Variants in PIGU observed in about 807,000 individuals in gnomAD.
The protein encoded by PIGU is GPI-anchor transamidase component PIGU.
A neutral mutation model predicts 49.9 loss-of-function variants in PIGU; 24 were observed. The ratio of observed to expected loss-of-function variants is 0.48; its 90% CI spans 0.35 to 0.68. The LOEUF is 0.68. Ranked by LOEUF, PIGU falls within the 30% of genes least tolerant of loss-of-function variation. PIGU has a pLI of 0.01. For synonymous variants in PIGU, 220 were observed against 205.7 expected (o/e 1.07, Z -0.59); for missense variants, 490 against 532.6 (o/e 0.92, Z 0.79).
intron 5 of PIGU, among the ~76,000 whole-genome samples, chr20:34,637,607 G>A (rs545131604): frequency 2.8e-4 from 42 of 152,310 alleles, no homozygotes; most frequent in African/African-American, 8.7e-4. Flanking sequence ...TAAGTAGGCT[G>A]GAACCCAGAT....
At chr20:34,675,517 A>G (rs1027380437) in intron 1 of PIGU, among the ~76,000 whole-genome samples, 3 of 152,222 alleles carry the variant, frequency 2.0e-5, no homozygotes, top group Admixed American at 2.0e-4. Context: ...CCCAACTAGG[A>G]AACCTGGGCA....
chr20:34,645,338 C>A lies in PIGU; in HGVS notation c.196-4G>T. ...AGAGGTATATTATTAATGGAGTCTGCAGAAAAAAAACAGACATGTAAAAAA... is the reference window on the plus strand; with the variant it reads ...AGAGGTATATTATTAATGGAGTCTGAAGAAAAAAAACAGACATGTAAAAAA... On this transcript the variant is annotated splice_region_variant and splice_polypyrimidine_tract_variant and intron_variant, in intron 2 of 11. Transcript: ENST00000217446. The A allele has an allele frequency of 1.3e-6, 2 of 1,556,042 alleles. No homozygotes were observed. Among genetic ancestry groups the A allele is most frequent in the Non-Finnish European group, 1.7e-6 (2 of 1,158,986 alleles).
intron 11 of PIGU, among the ~76,000 whole-genome samples, chr20:34,573,800 G>T (rs1983111586): frequency 6.6e-6 from 1 of 152,262 alleles, no homozygotes; most frequent in Admixed American, 6.5e-5. Context: ...CAGTGTGAGA[G>T]ACAGAACAGG....
In PIGU at chr20:34,636,959, C is replaced by A. The variant is rs144852603; in HGVS notation, c.428+917G>T. On this transcript the variant is annotated intron_variant, in intron 5 of 11. Coordinates refer to ENST00000217446, the MANE Select transcript of PIGU (RefSeq NM_080476.5). Reference sequence around the variant, plus strand: ...GACACACATAAGTCCATAAGAGATTCATAAAGTTGCTAAATTTCTGGTTCT... The same window carrying A: ...GACACACATAAGTCCATAAGAGATTAATAAAGTTGCTAAATTTCTGGTTCT... 4.6e-5 allele frequency among the ~76,000 whole-genome samples: 7 copies of A among 152,228 alleles called. No homozygotes were observed. The East Asian group carries it at 1.3e-3, about 29-fold the overall frequency.
chr20:34,671,913 A>C (rs567040810), intron 1 of PIGU, among the ~76,000 whole-genome samples: 2 of 152,102 alleles, frequency 1.3e-5, no homozygotes, highest in South Asian at 4.1e-4. Context: ...ACAAGAGTGA[A>C]ACTCCTTCTC....
At chr20:34,635,221 G>A (rs1181751887) in intron 5 of PIGU, among the ~76,000 whole-genome samples, 1 of 146,824 alleles carries the variant, frequency 6.8e-6, no homozygotes, top group Non-Finnish European at 1.6e-5. Context: ...CTGAGAACCA[G>A]GAAAGTACAT....
intron 8 of PIGU, 119 bp from the exon 9 acceptor site, chr20:34,585,699 T>G (rs1364443000): frequency 8.6e-7 from 1 of 1,156,546 alleles, no homozygotes; most frequent in Non-Finnish European, 1.2e-6. Flanking sequence ...ACTTTCTCCC[T>G]AGAGAGATCA....
chr20:34,580,987 G>T (rs1267447023), intron 10 of PIGU, among the ~76,000 whole-genome samples: 1 of 152,176 alleles, frequency 6.6e-6, no homozygotes, highest in Admixed American at 6.5e-5. Flanking sequence ...CCAGGGCATA[G>T]AGTTCTGCTG....
intron 7 of PIGU, among the ~76,000 whole-genome samples, chr20:34,603,429 T>C (rs975105922): frequency 4.6e-5 from 7 of 152,246 alleles, no homozygotes; most frequent in African/African-American, 1.7e-4. Context: ...TACTTATTTT[T>C]TTCCTTTATC....
chr20:34,615,638 T>A (rs1256439153), intron 7 of PIGU, among the ~76,000 whole-genome samples: 1 of 152,100 alleles, frequency 6.6e-6, no homozygotes, highest in Non-Finnish European at 1.5e-5. Flanking sequence ...CCATTCTGAG[T>A]AGTGTGATGA....
At chr20:34,675,445 A>T (rs1019382888) in intron 1 of PIGU, among the ~76,000 whole-genome samples, 38 of 152,160 alleles carry the variant, frequency 2.5e-4, no homozygotes, top group African/African-American at 9.2e-4. Flanking sequence ...TAATACGCAG[A>T]GGTAACAAAT....
intron 10 of PIGU, among the ~76,000 whole-genome samples, chr20:34,575,640 T>C (rs1231881740): frequency 6.6e-6 from 1 of 152,128 alleles, no homozygotes; most frequent in Non-Finnish European, 1.5e-5. Context: ...TGTGGGATTA[T>C]GGGTGGGAAC....
At chr20:34,589,432 C>G (rs1983856475) in intron 7 of PIGU, among the ~76,000 whole-genome samples, 1 of 152,228 alleles carries the variant, frequency 6.6e-6, no homozygotes. Context: ...CGGCTCACTG[C>G]AACCTCTGCC....
At chr20:34,612,619 C>CTT (rs1220427781) in intron 7 of PIGU, among the ~76,000 whole-genome samples, 6 of 139,844 alleles carry the variant, frequency 4.3e-5, no homozygotes, top group Non-Finnish European at 4.7e-5. Flanking sequence ...CTTTCCTTTT[C>CTT]TTTTTTTTTT....
At chr20:34,563,063 T>C (rs1196855847) in intron 11 of PIGU, among the ~76,000 whole-genome samples, 4 of 152,160 alleles carry the variant, frequency 2.6e-5, no homozygotes, top group Non-Finnish European at 1.5e-5. Context: ...GGTTGGACCA[T>C]ATGAAATTGC....
intron 10 of PIGU, among the ~76,000 whole-genome samples, 195 bp from the exon 11 acceptor site, chr20:34,575,441 G>GT (rs555122356): frequency 2.0e-5 from 3 of 152,200 alleles, no homozygotes; most frequent in Non-Finnish European, 4.4e-5. Context: ...CCCACAGCTG[G>GT]TGGTAGCTCC....
chr20:34,649,518 T>C (rs2146775605), intron 2 of PIGU, among the ~76,000 whole-genome samples: 1 of 151,988 alleles, frequency 6.6e-6, no homozygotes, highest in South Asian at 2.1e-4. Flanking sequence ...TAAATTCATC[T>C]ATACATTTTT....
chr20:34,576,197 A>G (rs1983225976), intron 10 of PIGU, among the ~76,000 whole-genome samples: 1 of 152,196 alleles, frequency 6.6e-6, no homozygotes, highest in South Asian at 2.1e-4. Context: ...CAACATAGTG[A>G]GAGCCCATCT....
chr20:34,657,393 C>A, intron 1 of PIGU, 149 bp from the exon 2 acceptor site: 1 of 622,602 alleles, frequency 1.6e-6, no homozygotes, highest in Non-Finnish European at 2.9e-6. Context: ...TTGAACATTT[C>A]TGATGACGGG....
Sources: gnomAD v4.1 joint callset for allele counts (sites outside exome capture counted in the v4.1 genomes callset) on GRCh38, gnomAD v4.1.1 for gene constraint, MANE v1.5 for transcripts, NCBI Gene and HGNC (gene_info 2026-07-23, HGNC 2026-07-21) for gene names.